The following FREM2 variants were observed in gnomAD, a reference collection of about 807,000 sequenced individuals.
FREM2 encodes FRAS1-related extracellular matrix protein 2.
FREM2 carries 119 observed loss-of-function variants against 219.9 expected under a neutral mutation model. The observed-to-expected ratio is 0.54, with a 90% CI of 0.47 to 0.63. The LOEUF is 0.63. Among genes scored for constraint, FREM2 ranks in the 30% least tolerant of loss-of-function variants. The probability of loss-of-function intolerance (pLI) is 0.00; values close to 1 mark genes in which losing one functional copy is unlikely to be tolerated. For synonymous variants in FREM2, 1,562 were observed against 1,522.8 expected, an observed-to-expected ratio of 1.03 and a Z score of -0.60; for missense variants, 4,030 against 3,993.6, an observed-to-expected ratio of 1.01 and a Z score of -0.25.
intron 2 of FREM2, among the ~76,000 whole-genome samples, chr13:38,758,819 C>G (rs1334104703): frequency 1.3e-5 from 2 of 152,212 alleles, no homozygotes; most frequent in Non-Finnish European, 1.5e-5. Flanking sequence ...TGCATGGTTG[C>G]TAATCACCGT....
intron 2 of FREM2, among the ~76,000 whole-genome samples, chr13:38,756,487 G>A (rs556387762): frequency 6.6e-6 from 1 of 150,978 alleles, no homozygotes; most frequent in Admixed American, 6.6e-5. Flanking sequence ...TTGTTCTTAG[G>A]AACGCCAGAC....
rs770735132 is a variant in FREM2, at chr13:38,691,275, G to T, written c.3931G>T (p.Gly1311Ter). 2.5e-6 allele frequency: 4 copies of T among 1,613,736 alleles called. No homozygotes were observed. In the Admixed American group the frequency reaches 6.7e-5, roughly 27 times the overall value. Residue 1311 changes from glycine to a stop codon, truncating the protein, a stop_gained, in exon 1 of 24, where the codon GGA (glycine) becomes TGA (stop). Transcript: ENST00000280481. LOFTEE classifies it high-confidence loss of function. ...DETPRMTINNGLEIEIGDTKI... is the reference protein window; with the variant it reads ...DETPRMTINN ...GACGCCCAGAATGACTATCAATAATGGACTAGAAATAGAAATTGGGGATAC... is the reference window on the plus strand; with the variant it reads ...GACGCCCAGAATGACTATCAATAATTGACTAGAAATAGAAATTGGGGATAC...
intron 2 of FREM2, among the ~76,000 whole-genome samples, chr13:38,702,892 T>A (rs1485329195): frequency 6.6e-6 from 1 of 152,140 alleles, no homozygotes; most frequent in Non-Finnish European, 1.5e-5. Context: ...CCAGACATTT[T>A]TTTGCTGCTG....
chr13:38,696,986 G>C (rs1870136332), intron 1 of FREM2, among the ~76,000 whole-genome samples: 1 of 151,884 alleles, frequency 6.6e-6, no homozygotes, highest in Non-Finnish European at 1.5e-5. Context: ...TTTTAATAGA[G>C]ACAGGGTTTC....
At chr13:38,739,224 T>C (rs9805696) in intron 2 of FREM2, among the ~76,000 whole-genome samples, 2,880 of 152,314 alleles carry the variant, frequency 0.019, 77 homozygotes, top group African/African-American at 0.064. Flanking sequence ...TGATTGAATG[T>C]AATTTTAAAA....
At chr13:38,840,647 T>A (rs1220464835) in intron 6 of FREM2, among the ~76,000 whole-genome samples, 1 of 148,252 alleles carries the variant, frequency 6.7e-6, no homozygotes, top group Non-Finnish European at 1.5e-5. Flanking sequence ...TATATATATG[T>A]GTATGTATAT....
chr13:38,832,900 G>A (rs1876565234), intron 6 of FREM2, among the ~76,000 whole-genome samples: 1 of 152,004 alleles, frequency 6.6e-6, no homozygotes, highest in Admixed American at 6.6e-5. Context: ...TTAGCTGGGT[G>A]TGGTCATGCA....
intron 6 of FREM2, among the ~76,000 whole-genome samples, chr13:38,789,410 T>C (rs1335994275): frequency 4.6e-5 from 7 of 151,860 alleles, no homozygotes; most frequent in African/African-American, 1.7e-4. Context: ...TGTCTATTTA[T>C]GTATCCATTT....
chr13:38,876,248 G>A lies in FREM2; in HGVS notation c.8410G>A (p.Val2804Ile). Residue 2804 changes from valine (V) to isoleucine (I), a missense_variant and splice_region_variant, in exon 20 of 24, where the codon GTA (valine) becomes ATA (isoleucine). Coordinates refer to ENST00000280481, the MANE Select transcript of FREM2 (RefSeq NM_207361.6). The part of the protein sequence containing the change: ...QQWSFVSDFA[V>I]RDYSGTYTVK... ...ATATATCAATATCTTCTCCTCAAAG[G>A]TACGTGACTACTCAGGGACCTATAC... 6.2e-7 allele frequency: 1 copy of A among 1,613,762 alleles called. No individual in the cohort carries two copies. The highest frequency in any genetic ancestry group is 8.5e-7 in the Non-Finnish European group (1 of 1,179,944).
intron 4 of FREM2, among the ~76,000 whole-genome samples, chr13:38,780,849 A>G (rs902620679): frequency 6.6e-6 from 1 of 152,146 alleles, no homozygotes; most frequent in Non-Finnish European, 1.5e-5. Flanking sequence ...GAGCTTCCCC[A>G]TGCCAACAGC....
chr13:38,725,202 A>G (rs1871465322), intron 2 of FREM2, among the ~76,000 whole-genome samples: 1 of 152,194 alleles, frequency 6.6e-6, no homozygotes, highest in Non-Finnish European at 1.5e-5. Flanking sequence ...TTCATTGCTC[A>G]TTATCTGCCA....
intron 6 of FREM2, among the ~76,000 whole-genome samples, chr13:38,797,268 TA>T (rs1874829273): frequency 6.6e-6 from 1 of 152,152 alleles, no homozygotes; most frequent in South Asian, 2.1e-4. Flanking sequence ...CTGCTTCTGT[TA>T]TTTTTTGTCT....
rs73461871 is a variant in FREM2, at chr13:38,773,214, C to G, written c.5641+3406C>G. On this transcript the variant is annotated intron_variant, in intron 4 of 23. Coordinates refer to ENST00000280481, the MANE Select transcript of FREM2 (RefSeq NM_207361.6). ...GTTATATGCTTGCTTATTTCTTTAA[C>G]CTGGTCCAATACTCAGTGCCCTCAT... Among the ~76,000 whole-genome samples the G allele has an allele frequency of 3.3e-3, 498 of 152,188 alleles. 6 individuals are homozygous for G. Among genetic ancestry groups the G allele is most frequent in the African/African-American group, 0.011 (477 of 41,516 alleles).
At chr13:38,822,919 T>C (rs116010933) in intron 6 of FREM2, among the ~76,000 whole-genome samples, 1,542 of 152,246 alleles carry the variant, frequency 0.01, 32 homozygotes, top group African/African-American at 0.035. Context: ...GATTTTGTCA[T>C]GTGTGAAAAC....
chr13:38,720,893 C>G (rs1193435820), intron 2 of FREM2, among the ~76,000 whole-genome samples: 1 of 152,142 alleles, frequency 6.6e-6, no homozygotes, highest in African/African-American at 2.4e-5. Flanking sequence ...CATTTTTACT[C>G]TCCTCAATAT....
rs754650884 is a variant in FREM2, at chr13:38,689,196, C to T, written c.1852C>T (p.Pro618Ser). 3 of 1,614,000 alleles carry T rather than the reference C, an allele frequency of 1.9e-6. No individual in the cohort carries two copies. In the African/African-American group the frequency reaches 4.0e-5, roughly 22 times the overall value. Reference protein sequence around the residue: ...GHLLLRQTHPPHEKQELLRGL... With the variant: ...GHLLLRQTHPSHEKQELLRGL... ...TCTGCTTCTCCGCCAAACTCACCCT[C>T]CCCATGAGAAGCAGGAACTTCTCAG... The change falls in exon 1 of 24, where the codon CCC becomes TCC. Residue 618 changes from proline (P) to serine (S), a missense_variant. By Grantham distance (74) the Pro-to-Ser change is moderately conservative. Around this residue, in one of 2 missense-constraint regions of FREM2, gnomAD observed 3,102 missense variants for 2,950.7 expected, o/e 1.05. Transcript: ENST00000280481.
intron 11 of FREM2, among the ~76,000 whole-genome samples, chr13:38,854,581 C>G (rs1877487188): frequency 6.6e-6 from 1 of 152,108 alleles, no homozygotes; most frequent in African/African-American, 2.4e-5. Flanking sequence ...TTTTTAATGT[C>G]ACATCATACA....
chr13:38,694,260 A>G (rs1408080248), intron 1 of FREM2, among the ~76,000 whole-genome samples: 1 of 152,182 alleles, frequency 6.6e-6, no homozygotes, highest in African/African-American at 2.4e-5. Context: ...ATCTTTGTAA[A>G]TGTAGAGAAG....
intron 2 of FREM2, 97 bp downstream of exon 2, chr13:38,697,884 A>T: frequency 2.6e-6 from 2 of 757,374 alleles, no homozygotes; most frequent in Admixed American, 2.0e-5. Flanking sequence ...ATCAAGTAAT[A>T]TTTCATGATC....
Sources: allele counts gnomAD v4.1 joint callset (sites outside exome capture counted in the v4.1 genomes callset), GRCh38; gene constraint gnomAD v4.1.1; regional missense constraint gnomAD v4.1.1; transcripts MANE v1.5; gene names NCBI Gene and HGNC (gene_info 2026-07-23, HGNC 2026-07-21).